The following CLUL1 variants were observed in gnomAD, a reference collection of about 807,000 sequenced individuals.
CLUL1 encodes the protein clusterin-like protein 1.
CLUL1 carries 43 observed loss-of-function variants against 49.4 expected under a neutral mutation model. The observed-to-expected ratio is 0.87, with a 90% confidence interval of 0.68 to 1.12. CLUL1 has a LOEUF of 1.12. Ranked by LOEUF, CLUL1 falls within the 50% of genes most tolerant of loss-of-function variation. The pLI, the probability that CLUL1 is intolerant of heterozygous loss-of-function variation, is 0.00. For synonymous variants in CLUL1, 192 were observed against 184.9 expected (o/e 1.04, Z -0.31); for missense variants, 486 against 544.4 (o/e 0.89, Z 1.07).
intron 4 of CLUL1, 25 bp from the exon 5 acceptor site, chr18:624,840 G>T (rs1347256811): frequency 6.2e-7 from 1 of 1,609,740 alleles, no homozygotes; most frequent in Non-Finnish European, 8.5e-7. Context: ...ATGGAAATTG[G>T]ACTTTTGTTT....
At chr18:625,559 A>ACACACACC (rs1491160923) in intron 5 of CLUL1, among the ~76,000 whole-genome samples, 3 of 133,090 alleles carry the variant, frequency 2.3e-5, no homozygotes, top group Non-Finnish European at 3.3e-5. Context: ...ACACACACAC[A>ACACACACC]CCCCTTCATG....
intron 7 of CLUL1, among the ~76,000 whole-genome samples, chr18:637,025 C>T (rs920964103): frequency 6.6e-6 from 1 of 151,112 alleles, no homozygotes; most frequent in Non-Finnish European, 1.5e-5. Flanking sequence ...CTTGCTCCGT[C>T]GCCCAGGCTG....
chr18:635,522 T>G, intron 7 of CLUL1, among the ~76,000 whole-genome samples: 1 of 152,192 alleles, frequency 6.6e-6, no homozygotes, highest in South Asian at 2.1e-4. Context: ...CAGATTATAA[T>G]TCTGATTTTT....
chr18:627,472 A>G lies in CLUL1; in HGVS notation c.799A>G (p.Ser267Gly). The G allele has an allele frequency of 6.2e-7, 1 of 1,613,622 alleles. No individual in the cohort carries two copies. Among genetic ancestry groups the G allele is most frequent in the Non-Finnish European group, 8.5e-7 (1 of 1,179,590 alleles). ...CAGTGTCTCTATTTATGAAAGTGTC[A>G]GTGAAACAATTACTAAGATGCTGAA... The part of the protein sequence containing the change: ...NFSVSIYESV[S>G]ETITKMLKAI... Residue 267 changes from serine (S) to glycine (G), a missense_variant, in exon 6 of 10, where the codon AGT (serine) becomes GGT (glycine). By Grantham distance (56) the Ser-to-Gly change is moderately conservative. Coordinates refer to ENST00000692774, the MANE Select transcript of CLUL1 (RefSeq NM_001393344.1).
intron 9 of CLUL1, among the ~76,000 whole-genome samples, chr18:645,810 AATATATATATATATATATATATATAT>A (rs35329822): frequency 1.0e-4 from 3 of 29,872 alleles, no homozygotes; most frequent in South Asian, 1.5e-3. Context: ...AAAAAAAAAA[AATATATATATATATATATATATATAT>A]ATATATATAT....
intron 2 of CLUL1, 52 bp downstream of exon 2, chr18:607,151 A>C: frequency 1.4e-6 from 1 of 700,454 alleles, no homozygotes; most frequent in Non-Finnish European, 2.6e-6. Context: ...ATTTAGAGAC[A>C]GAGTCTAGCT....
chr18:628,499 T>C (rs544061040), intron 6 of CLUL1, among the ~76,000 whole-genome samples: 1 of 152,334 alleles, frequency 6.6e-6, no homozygotes, highest in East Asian at 1.9e-4. Context: ...CATTCGAGAA[T>C]GAGAATTGCC....
At chr18:619,780 G>A (rs375686627) in intron 4 of CLUL1, among the ~76,000 whole-genome samples, 2 of 151,972 alleles carry the variant, frequency 1.3e-5, no homozygotes, top group East Asian at 1.9e-4. Flanking sequence ...AGTTGATCCC[G>A]CTCATTGCAA....
Position 630,672 on chromosome 18 carries a change from C to CTTTTTTTTTTT in CLUL1, c.857-2603_857-2593dup, listed in dbSNP as rs36222515. Among the ~76,000 whole-genome samples the CTTTTTTTTTTT allele has an allele frequency of 4.7e-4, 29 of 62,042 alleles. 2 individuals carry two copies. The highest frequency in any genetic ancestry group is 2.0e-3 in the African/African-American group (28 of 13,906). 40.7% of individuals were successfully genotyped at this position (62,042 alleles called of 152,430 possible). On this transcript the variant is annotated intron_variant, in intron 6 of 9. Transcript: ENST00000692774. ...CGCAAAAAACTAGCCCTACTGACATCTTTTTTTTTTTTTTTTTTTTTTTTT... is the reference window on the plus strand; with the variant it reads ...CGCAAAAAACTAGCCCTACTGACATCTTTTTTTTTTTTTTTTTTTTTTTTTTTTTTTTTTTT...
At chr18:626,676 C>T (rs866630058) in intron 5 of CLUL1, among the ~76,000 whole-genome samples, 15 of 150,310 alleles carry the variant, frequency 1.0e-4, no homozygotes, top group South Asian at 2.1e-4. Flanking sequence ...CTGGGCAACA[C>T]GGTAAAACCC....
At chr18:614,324 AAGGAAGGGAG>A (rs1159804926) in intron 2 of CLUL1, among the ~76,000 whole-genome samples, 324 of 98,532 alleles carry the variant, frequency 3.3e-3, no homozygotes, top group African/African-American at 9.5e-3. Context: ...GGAGGGAGGG[AAGGAAGGGAG>A]GGAAGGAAGG....
chr18:627,001 AGG>A (rs2073811713), intron 5 of CLUL1, 94 bp from the exon 6 acceptor site: 1 of 1,672 alleles, frequency 6.0e-4, no homozygotes, highest in African/African-American at 7.2e-4. Context: ...GAAGGAAGGA[AGG>A]AAGGAAAGAA....
intron 4 of CLUL1, among the ~76,000 whole-genome samples, chr18:623,644 CAAAAAAAAAAAAAAA>C (rs59558949): frequency 1.4e-5 from 1 of 71,102 alleles, no homozygotes; most frequent in Non-Finnish European, 2.7e-5. Flanking sequence ...GACTCTGTCT[CAAAAAAAAAAAAAAA>C]AAAAAAAAAA....
intron 9 of CLUL1, among the ~76,000 whole-genome samples, chr18:647,276 G>A (rs1439050139): frequency 2.0e-5 from 3 of 152,110 alleles, no homozygotes; most frequent in African/African-American, 7.2e-5. Context: ...GAGGGTGCTG[G>A]GAAGTCCTGC....
intron 6 of CLUL1, among the ~76,000 whole-genome samples, chr18:632,354 G>A (rs375274438): frequency 2.3e-4 from 30 of 132,970 alleles, no homozygotes; most frequent in African/African-American, 3.4e-4. Flanking sequence ...GTGTGTGTGT[G>A]TATATATACA....
rs1485898977 is a variant in CLUL1, at chr18:618,661, G to A, written c.107-552G>A. ...AAGAATGAGCTCCTCAGTAGGCCAC[G>A]TTGGCTATTTTGAACAGGGAATGAC... On this transcript the variant is annotated intron_variant, in intron 3 of 9. Transcript: ENST00000692774. The surrounding 1 kb of genome is among the most constrained non-coding windows in gnomAD (Gnocchi z 4.2). 2.0e-5 allele frequency among the ~76,000 whole-genome samples: 3 copies of A among 152,148 alleles called. No individual in the cohort carries two copies. Among genetic ancestry groups the A allele is most frequent in the Admixed American group, 6.5e-5 (1 of 15,276 alleles).
intron 2 of CLUL1, among the ~76,000 whole-genome samples, chr18:616,431 G>A (rs1336001827): frequency 6.6e-6 from 1 of 152,042 alleles, no homozygotes; most frequent in East Asian, 1.9e-4. Flanking sequence ...TGCTTACATA[G>A]GAAACTACAT....
At chr18:626,874 A>G (rs1219883515) in intron 5 of CLUL1, among the ~76,000 whole-genome samples, 2 of 180 alleles carry the variant, frequency 0.011, no homozygotes, top group Non-Finnish European at 0.33. Context: ...TAAGAAAGAA[A>G]GAAAGAAAGA....
rs76293555 is a variant in CLUL1, at chr18:630,313, T to C, written c.856+2784T>C. ...GAGTAGAGGCAGGGTTTCGCCATGTTGTCCAGGCTGGTCTCGAACTTCTGA... is the reference window on the plus strand; with the variant it reads ...GAGTAGAGGCAGGGTTTCGCCATGTCGTCCAGGCTGGTCTCGAACTTCTGA... On this transcript the variant is annotated intron_variant, in intron 6 of 9. Coordinates refer to ENST00000692774, the MANE Select transcript of CLUL1 (RefSeq NM_001393344.1). Among the ~76,000 whole-genome samples the C allele has an allele frequency of 4.4e-3, 663 of 152,236 alleles. 4 individuals are homozygous for C. The highest frequency in any genetic ancestry group is 0.015 in the African/African-American group (625 of 41,542).
Sources: allele counts gnomAD v4.1 joint callset (sites outside exome capture counted in the v4.1 genomes callset), GRCh38; gene constraint gnomAD v4.1.1; non-coding constraint Gnocchi (gnomAD v3.1); transcripts MANE v1.5; gene names NCBI Gene and HGNC (gene_info 2026-07-23, HGNC 2026-07-21).